Variants in USP24 observed in about 807,000 individuals in gnomAD.
USP24 encodes the protein ubiquitin carboxyl-terminal hydrolase 24.
A neutral mutation model predicts 361.6 loss-of-function variants in USP24; 97 were observed. That is an observed-to-expected ratio of 0.27 (90% confidence interval 0.23 to 0.32). The LOEUF (loss-of-function observed/expected upper bound fraction) is 0.32, where lower values mean the gene tolerates loss of function less well. USP24 is among the 10% of genes least tolerant of loss of function. The pLI, the probability that USP24 is intolerant of heterozygous loss-of-function variation, is 1.00. For missense variants in USP24, 2,353 were observed against 3,165.6 expected (o/e 0.74, Z 6.16); for synonymous variants, 1,098 against 1,124.6 (o/e 0.98, Z 0.47).
At chr1:55,073,662 T>C (rs1644964762) in intron 64 of USP24, among the ~76,000 whole-genome samples, 166 bp downstream of exon 64, 1 of 152,226 alleles carries the variant, frequency 6.6e-6, no homozygotes. Flanking sequence ...CTTCCCCTCA[T>C]ATTTTTTTGA....
intron 64 of USP24, 31 bp downstream of exon 64, chr1:55,073,797 T>C: frequency 6.5e-7 from 1 of 1,541,742 alleles, no homozygotes; most frequent in Non-Finnish European, 8.8e-7. Context: ...TAAAACACCA[T>C]TTCCTCCCTG....
rs373398229 is a variant in USP24 at position 55,158,932 on chromosome 1, T to C, written c.1173A>G (p.Leu391=). ...TIVDDLRLDI[L]LRMLKSPHFS... ...AATGTGGTGATTTCAGCATGCGCAA[T>C]AGAATATCTAGTCGAAGGTCATCCA... Residue 391 remains leucine, a synonymous_variant, in exon 10 of 68, where the codon CTA becomes CTG. Transcript: ENST00000294383. The C allele has an allele frequency of 3.1e-6, 5 of 1,593,450 alleles. No individual in the cohort carries two copies. Among genetic ancestry groups the C allele is most frequent in the African/African-American group, 1.3e-5 (1 of 74,410 alleles).
rs773310662 is a variant in USP24 at position 55,075,659 on chromosome 1, ACAACAACACCACCAC to A, written c.7381-151_7381-137del. On this transcript the variant is annotated intron_variant, in intron 62 of 67. Coordinates refer to ENST00000294383, the MANE Select transcript of USP24 (RefSeq NM_015306.3). ...AACAACAACAACAACAACAACAACA[ACAACAACACCACCAC>A]CACCAATACAGGACGGGCATGGTGG... is the stretch of plus-strand genomic sequence containing the variant. 0.019 allele frequency: 9,381 copies of A among 503,448 alleles called. 605 individuals carry two copies. The African/African-American group carries it at 0.26, about 14-fold the overall frequency. The allele number at this position is 503,448 out of a possible 1,614,324, so 31.2% of individuals were successfully genotyped here. A position where few individuals can be genotyped will look rare whatever the true frequency, so the allele number is the denominator to read the frequency against.
At chr1:55,207,384 C>T (rs77712813) in intron 1 of USP24, among the ~76,000 whole-genome samples, 3,566 of 151,848 alleles carry the variant, frequency 0.023, 49 homozygotes, top group Non-Finnish European at 0.034. Context: ...TTCTGACCAA[C>T]AAGTCTTCCT....
chr1:55,141,215 G>C (rs1333722437), intron 24 of USP24, among the ~76,000 whole-genome samples: 1 of 151,936 alleles, frequency 6.6e-6, no homozygotes, highest in African/African-American at 2.4e-5. Context: ...TATTCAAGGA[G>C]AAAAGCTATA....
intron 60 of USP24, 126 bp from the exon 61 acceptor site, chr1:55,078,777 T>C (rs902500730): frequency 6.1e-6 from 4 of 661,010 alleles, no homozygotes; most frequent in Non-Finnish European, 9.8e-6. Flanking sequence ...AAACAGGGTT[T>C]CTTAACTGTT....
chr1:55,135,016 T>C (rs1646694740), intron 28 of USP24, among the ~76,000 whole-genome samples: 1 of 152,240 alleles, frequency 6.6e-6, no homozygotes, highest in South Asian at 2.1e-4. Flanking sequence ...AGATTTTTAA[T>C]AAATTCAGGA....
chr1:55,203,267 C>G (rs1644624063), intron 1 of USP24, among the ~76,000 whole-genome samples: 1 of 152,092 alleles, frequency 6.6e-6, no homozygotes, highest in Admixed American at 6.5e-5. Flanking sequence ...TAAAGATAAC[C>G]TACAGTCAAA....
chr1:55,212,851 T>A (rs1569851778), intron 1 of USP24, among the ~76,000 whole-genome samples: 1 of 152,120 alleles, frequency 6.6e-6, no homozygotes, highest in Non-Finnish European at 1.5e-5. Context: ...GATGCACTGC[T>A]TCGAAAAGAT....
Position 55,166,721 on chromosome 1 carries a change from T to G in USP24, c.826-118A>C. ...AAAAATTATAAAAGTTTGGAAACTATTTTCAAAGTTTTTTTCCCAAACGCT... is the reference window on the plus strand; with the variant it reads ...AAAAATTATAAAAGTTTGGAAACTAGTTTCAAAGTTTTTTTCCCAAACGCT... On this transcript the variant is annotated intron_variant, in intron 5 of 67. Transcript: ENST00000294383. 3 of 1,019,152 alleles carry G rather than the reference T, an allele frequency of 2.9e-6. No homozygotes were observed. In the South Asian group the frequency reaches 4.9e-5, roughly 17 times the overall value. 63.1% of individuals were successfully genotyped at this position (1,019,152 alleles called of 1,614,324 possible).
Position 55,123,526 on chromosome 1 carries a change from T to G in USP24, c.4197A>C (p.Val1399=). Residue 1399 remains valine (V), a synonymous_variant, in exon 36 of 68, where the codon GTA becomes GTC. Coordinates refer to ENST00000294383, the MANE Select transcript of USP24 (RefSeq NM_015306.3). Reference sequence around the variant, plus strand: ...CCGCAATCAGCGAGTCTTTGGTGGATACAGACTGTTGTCGAACACAGATTC... The same window carrying G: ...CCGCAATCAGCGAGTCTTTGGTGGAGACAGACTGTTGTCGAACACAGATTC... ...HAGICVRQQS[V]STKDSLIAGE... is the part of the protein sequence containing the mutation. 1.9e-6 allele frequency: 3 copies of G among 1,603,866 alleles called. No individual in the cohort carries two copies. The highest frequency in any genetic ancestry group is 2.6e-6 in the Non-Finnish European group (3 of 1,175,234).
intron 16 of USP24, 106 bp from the exon 17 acceptor site, chr1:55,148,676 T>G (rs1647108315): frequency 1.3e-6 from 1 of 784,800 alleles, no homozygotes; most frequent in East Asian, 2.7e-5. Context: ...TTACACATTT[T>G]ATTATTTTAC....
At chr1:55,070,135 C>G (rs565788659) in intron 67 of USP24, among the ~76,000 whole-genome samples, 136 of 152,032 alleles carry the variant, frequency 8.9e-4, no homozygotes, top group African/African-American at 3.3e-3. Context: ...CATGGGGGTG[C>G]TGTGTGTGAG....
chr1:55,073,003 G>A (rs1644951735), intron 64 of USP24, 142 bp from the exon 65 acceptor site: 1 of 772,692 alleles, frequency 1.3e-6, no homozygotes, highest in Non-Finnish European at 2.0e-6. Context: ...TCCTAGAGTA[G>A]TCAAATTCAT....
chr1:55,198,615 A>G (rs749121381), intron 1 of USP24, among the ~76,000 whole-genome samples: 4 of 152,148 alleles, frequency 2.6e-5, no homozygotes, highest in Non-Finnish European at 5.9e-5. Flanking sequence ...ATCTCCATAC[A>G]TGTGTAATGC....
intron 6 of USP24, among the ~76,000 whole-genome samples, chr1:55,166,159 T>C (rs557934601): frequency 4.0e-5 from 6 of 150,966 alleles, no homozygotes; most frequent in African/African-American, 7.4e-5. Flanking sequence ...AATCCAATTA[T>C]ATTATTTAAG....
chr1:55,174,213 A>C (rs1649728209), intron 3 of USP24, among the ~76,000 whole-genome samples: 1 of 152,232 alleles, frequency 6.6e-6, no homozygotes, highest in Non-Finnish European at 1.5e-5. Context: ...TCTAAAAGAA[A>C]ATGTGTGACA....
chr1:55,103,778 T>C, intron 42 of USP24, 98 bp downstream of exon 42: 1 of 1,363,376 alleles, frequency 7.3e-7, no homozygotes, highest in South Asian at 1.5e-5. Flanking sequence ...TAATACTGAC[T>C]TTCTTTGTGG....
rs1570395954 is a variant in USP24, at chr1:55,098,487, G to A, written c.5442C>T (p.Asp1814=). Residue 1814 remains aspartate, a synonymous_variant, in exon 46 of 68, where the codon GAC becomes GAT. Transcript: ENST00000294383. The part of the protein sequence containing the change: ...GIYSDQKICK[D]CPHRYEREEA... ...ATATCTTCACTCACCTGTGAGGACA[G>A]TCTTTACAGATCTTCTGATCAGAGT... The A allele has an allele frequency of 6.2e-7, 1 of 1,612,262 alleles. No individual in the cohort carries two copies. Among genetic ancestry groups the A allele is most frequent in the East Asian group, 2.2e-5 (1 of 44,848 alleles).
Sources: allele counts gnomAD v4.1 joint callset (sites outside exome capture counted in the v4.1 genomes callset), GRCh38; gene constraint gnomAD v4.1.1; transcripts MANE v1.5; gene names NCBI Gene and HGNC (gene_info 2026-07-23, HGNC 2026-07-21).